HNF4A: variants seen among roughly 807,000 people sequenced by gnomAD.
The protein encoded by HNF4A is hepatocyte nuclear factor 4-alpha.
In HNF4A, 15 loss-of-function variants were observed where a neutral mutation model predicts 52.4. The ratio of observed to expected loss-of-function variants is 0.29; its 90% CI spans 0.19 to 0.44. HNF4A has a LOEUF of 0.44. Among genes scored for constraint, HNF4A ranks in the 20% least tolerant of loss-of-function variants. The pLI is 1.00. For missense variants in HNF4A, 479 were observed against 647.2 expected (o/e 0.74, Z 2.82); for synonymous variants, 280 against 264.4 (o/e 1.06, Z -0.57).
At chr20:44,385,057 ATCTT>A (rs2063203300) in intron 1 of HNF4A, among the ~76,000 whole-genome samples, 1 of 29,922 alleles carries the variant, frequency 3.3e-5, no homozygotes, top group African/African-American at 2.2e-4. Context: ...GAACTCTGTG[ATCTT>A]TTTTTTTTTT....
chr20:44,421,840 T>TA (rs1251469873), intron 7 of HNF4A, among the ~76,000 whole-genome samples: 22 of 146,180 alleles, frequency 1.5e-4, no homozygotes, highest in Non-Finnish European at 1.2e-4. Context: ...TAGTGATATA[T>TA]TACGTATAAT....
chr20:44,410,927 G>C (rs576371886), intron 3 of HNF4A, among the ~76,000 whole-genome samples: 3 of 152,044 alleles, frequency 2.0e-5, no homozygotes, highest in African/African-American at 4.8e-5. Context: ...GGTCTCATGG[G>C]CCTATAAGTC....
At chr20:44,407,558 C>A in intron 3 of HNF4A, 83 bp downstream of exon 3, 1 of 948,822 alleles carries the variant, frequency 1.1e-6, no homozygotes, top group Non-Finnish European at 1.7e-6. Flanking sequence ...ACTGTAGCCA[C>A]ACTTTATGAC....
intron 1 of HNF4A, among the ~76,000 whole-genome samples, chr20:44,372,166 C>A (rs2063040862): frequency 6.6e-6 from 1 of 152,200 alleles, no homozygotes; most frequent in Non-Finnish European, 1.5e-5. Flanking sequence ...TTTGCACGAG[C>A]AATCTTCTAT....
At position 44,419,761 on chromosome 20, in the gene HNF4A, G is replaced by A. The variant is rs776127911; in HGVS notation, c.777G>A (p.Ala259=). The A allele has an allele frequency of 5.6e-6, 9 of 1,614,006 alleles. No homozygotes were observed. Among genetic ancestry groups the A allele is most frequent in the African/African-American group, 2.7e-5 (2 of 74,912 alleles). The change falls in exon 7 of 10, where the codon GCG becomes GCA. Residue 259 remains alanine, a synonymous_variant. Coordinates refer to ENST00000316099, the MANE Select transcript of HNF4A (RefSeq NM_000457.6). ...TCCCTCGGCACTGCCCGGAGCTGGC[G>A]GAGATGAGCCGGGTGTCCATACGCA...
chr20:44,421,975 A>C (rs1382502935), intron 7 of HNF4A, among the ~76,000 whole-genome samples: 2 of 151,504 alleles, frequency 1.3e-5, no homozygotes, highest in Admixed American at 1.3e-4. Context: ...GTTTTTAAAC[A>C]CTTTATGTGG....
intron 4 of HNF4A, among the ~76,000 whole-genome samples, chr20:44,414,130 C>A (rs1029380605): frequency 6.6e-6 from 1 of 152,334 alleles, no homozygotes; most frequent in East Asian, 1.9e-4. Context: ...CAAAGTGGGG[C>A]CCAGCCCTTC....
At chr20:44,418,764 C>T (rs1282616571) in intron 6 of HNF4A, among the ~76,000 whole-genome samples, 2 of 152,092 alleles carry the variant, frequency 1.3e-5, no homozygotes, top group Non-Finnish European at 2.9e-5. Flanking sequence ...CAGGGTTATC[C>T]CTGGAATTAC....
In HNF4A at chr20:44,382,181, C is replaced by T. The variant is rs148617831; in HGVS notation, c.50-23877C>T. Among the ~76,000 whole-genome samples the T allele has an allele frequency of 1.1e-3, 166 of 152,284 alleles. 1 individual carries two copies. The highest frequency in any genetic ancestry group is 3.9e-3 in the African/African-American group (161 of 41,572). On this transcript the variant is annotated intron_variant, in intron 1 of 9. Coordinates refer to the HNF4A transcript ENST00000316673. ...TTCTCTCCTCTTCTCCAATACCCAG[C>T]CCAAAACTCTTTTGGATCTTTGATT...
At chr20:44,378,918 C>CAAAAA (rs61103959) in intron 1 of HNF4A, among the ~76,000 whole-genome samples, 1 of 129,196 alleles carries the variant, frequency 7.7e-6, no homozygotes, top group Non-Finnish European at 1.7e-5. Flanking sequence ...GACCCCGTCT[C>CAAAAA]AAAAAAAAAA....
chr20:44,411,518 C>T (rs1385959694), intron 3 of HNF4A, among the ~76,000 whole-genome samples: 3 of 125,802 alleles, frequency 2.4e-5, no homozygotes, highest in East Asian at 2.8e-4. Flanking sequence ...AGGAGGCTGC[C>T]GTGGGAGGGG....
At chr20:44,386,711 G>A (rs1000954824) in intron 1 of HNF4A, among the ~76,000 whole-genome samples, 1 of 152,060 alleles carries the variant, frequency 6.6e-6, no homozygotes, top group African/African-American at 2.4e-5. Context: ...ATGCTGCCAG[G>A]GACAATGTAC....
At chr20:44,360,051 C>T (rs567761013) in intron 1 of HNF4A, among the ~76,000 whole-genome samples, 139 of 152,258 alleles carry the variant, frequency 9.1e-4, no homozygotes, top group Middle Eastern at 3.4e-3. Flanking sequence ...TGCTCATTTC[C>T]GTAAGTACCT....
chr20:44,421,750 A>C (rs186889985), intron 7 of HNF4A, among the ~76,000 whole-genome samples: 6 of 148,194 alleles, frequency 4.0e-5, no homozygotes, highest in African/African-American at 1.5e-4. Context: ...GCAAAACTTC[A>C]TCTCAAAAAA....
chr20:44,386,036 T>A (rs1315934902), intron 1 of HNF4A, among the ~76,000 whole-genome samples: 1 of 151,596 alleles, frequency 6.6e-6, no homozygotes, highest in Non-Finnish European at 1.5e-5. Context: ...ATTTTTTTTT[T>A]AATAGAGACA....
At chr20:44,377,211 C>T (rs1163263427) in intron 1 of HNF4A, among the ~76,000 whole-genome samples, 1 of 152,084 alleles carries the variant, frequency 6.6e-6, no homozygotes, top group Admixed American at 6.6e-5. Flanking sequence ...CATATGTTCT[C>T]ACCTATACGT....
chr20:44,403,562 C>T (rs2063440369), intron 1 of HNF4A, among the ~76,000 whole-genome samples: 1 of 152,180 alleles, frequency 6.6e-6, no homozygotes, highest in African/African-American at 2.4e-5. Flanking sequence ...GTTTTGAGTA[C>T]ATCCTGGGCT....
chr20:44,378,596 C>G (rs563418200), intron 1 of HNF4A, among the ~76,000 whole-genome samples: 2 of 152,122 alleles, frequency 1.3e-5, no homozygotes, highest in Admixed American at 1.3e-4. Flanking sequence ...AGTTCAGAGA[C>G]ATTAAATATA....
chr20:44,424,321 T>A (rs2063789381), intron 8 of HNF4A, 67 bp downstream of exon 8: 1 of 1,595,922 alleles, frequency 6.3e-7, no homozygotes, highest in African/African-American at 1.3e-5. Flanking sequence ...CCTCACACAG[T>A]GAGCTCACCC....
Sources: gnomAD v4.1 joint callset for allele counts (sites outside exome capture counted in the v4.1 genomes callset) on GRCh38, gnomAD v4.1.1 for gene constraint, MANE v1.5 for transcripts, NCBI Gene and HGNC (gene_info 2026-07-23, HGNC 2026-07-21) for gene names.